The following SKOR2 variants were observed in gnomAD, a reference collection of about 807,000 sequenced individuals.
SKOR2 encodes the protein LBX1 corepressor 1-like protein.
Under a neutral mutation model 69.1 loss-of-function variants are expected in SKOR2, and 47 were observed. That is an observed-to-expected ratio of 0.68 (90% confidence interval 0.54 to 0.87). SKOR2 has a LOEUF of 0.87. Among genes scored for constraint, SKOR2 ranks in the 40% least tolerant of loss-of-function variants. The pLI is 0.00. For missense variants in SKOR2, 1,404 were observed against 1,472.2 expected, an observed-to-expected ratio of 0.95 and a Z score of 0.76; for synonymous variants, 717 against 672.6, an observed-to-expected ratio of 1.07 and a Z score of -1.02.
chr18:47,221,925 C>A (rs1281396531), intron 6 of SKOR2, among the ~76,000 whole-genome samples: 1 of 152,218 alleles, frequency 6.6e-6, no homozygotes, highest in Non-Finnish European at 1.5e-5. Flanking sequence ...ATTCTGCCAT[C>A]TATAGTAACT....
In SKOR2 at chr18:47,246,690, C is replaced by T; in HGVS notation, c.2494G>A (p.Asp832Asn). 6.8e-7 allele frequency: 1 copy of T among 1,475,560 alleles called. No homozygotes were observed. The highest frequency in any genetic ancestry group is 8.9e-7 in the Non-Finnish European group (1 of 1,125,440). 91.4% of individuals were successfully genotyped at this position (1,475,560 alleles called of 1,614,324 possible). ...GGCGGCGGCGGGGGCGGGGGCAGGT[C>T]CGAGCCGGGGTCCCCGAGTTTCCCG... ...EDGKLGDPGSDLPPPPPPPLA... is the reference protein window; with the variant it reads ...EDGKLGDPGSNLPPPPPPPLA... Residue 832 changes from aspartate to asparagine, a missense_variant, in exon 2 of 9, where the codon GAC becomes AAC. This residue lies in a region of SKOR2 where 1,266 missense variants were observed against 1,309.9 expected (regional missense o/e 0.97). Transcript: ENST00000425639.
In SKOR2 at chr18:47,247,536, C is replaced by T. The variant is rs1320381356; in HGVS notation, c.1648G>A (p.Gly550Ser). Residue 550 changes from glycine to serine, a missense_variant, in exon 2 of 9, where the codon GGC becomes AGC. Physicochemically the swap from Gly to Ser is moderately conservative, Grantham distance 56 (BLOSUM62 0). Coordinates refer to ENST00000425639, the MANE Select transcript of SKOR2 (RefSeq NM_001278063.4). This position sits in a 1 kb window ranked among gnomAD's most constrained non-coding sequence, Gnocchi z 6.6. ...AAGAGCGCGTCGCGAGAGCCGGCGCCCCCGGCAGGAGGAGGTGGGCCGGAG... is the reference window on the plus strand; with the variant it reads ...AAGAGCGCGTCGCGAGAGCCGGCGCTCCCGGCAGGAGGAGGTGGGCCGGAG... ...PGSGPPPPAG[G>S]AGSRDALFES... The T allele has an allele frequency of 3.0e-4, 371 of 1,217,480 alleles. No homozygotes were observed. Among genetic ancestry groups the T allele is most frequent in the Non-Finnish European group, 3.7e-4 (366 of 979,756 alleles). 75.4% of individuals were successfully genotyped at this position (1,217,480 alleles called of 1,614,324 possible). A position where few individuals can be genotyped will look rare whatever the true frequency, so the allele number is the denominator to read the frequency against.
intron 4 of SKOR2, among the ~76,000 whole-genome samples, chr18:47,240,910 C>T (rs937049121): frequency 4.6e-5 from 7 of 152,094 alleles, no homozygotes; most frequent in Non-Finnish European, 1.0e-4. Context: ...AAAGACATTT[C>T]GTTCTTTTTT....
intron 4 of SKOR2, among the ~76,000 whole-genome samples, chr18:47,244,347 A>G (rs2064261792): frequency 1.3e-5 from 2 of 152,240 alleles, no homozygotes; most frequent in South Asian, 2.1e-4. Context: ...CCTTTTTCCC[A>G]AGAAACAAAA....
At position 47,249,755 on chromosome 18, in the gene SKOR2, A is replaced by G. The variant is rs563811004; in HGVS notation, c.-47-525T>C. ...GTCTATGGTTTCCTTGGGGAAATTC[A>G]TTATTGGTTGAAACACAGGTCATTA... On this transcript the variant is annotated intron_variant, in intron 1 of 8. Coordinates refer to ENST00000425639, the MANE Select transcript of SKOR2 (RefSeq NM_001278063.4). 2.6e-5 allele frequency among the ~76,000 whole-genome samples: 4 copies of G among 152,342 alleles called. No homozygotes were observed. In the South Asian group the frequency reaches 8.3e-4, roughly 32 times the overall value.
In SKOR2 at chr18:47,246,804, ACGGCCCT is replaced by A; in HGVS notation, c.2373_2379del (p.Gly792ArgfsTer21). 7.1e-7 allele frequency: 1 copy of A among 1,414,566 alleles called. No individual in the cohort carries two copies. The highest frequency in any genetic ancestry group is 9.1e-7 in the Non-Finnish European group (1 of 1,093,600). 87.6% of individuals were successfully genotyped at this position (1,414,566 alleles called of 1,614,324 possible). A position where few individuals can be genotyped will look rare whatever the true frequency, so the allele number is the denominator to read the frequency against. ...CGGTCCCGGCTGCTCCCCTTCTCCG[ACGGCCCT>A]CGGCCCTGGAGGAACCGGCCGCCCC... On this transcript the variant is annotated frameshift_variant, in exon 2 of 9. Transcript: ENST00000425639. LOFTEE classifies it high-confidence loss of function.
intron 4 of SKOR2, among the ~76,000 whole-genome samples, chr18:47,233,855 A>G (rs1185503501): frequency 6.6e-6 from 1 of 152,236 alleles, no homozygotes; most frequent in African/African-American, 2.4e-5. Flanking sequence ...TGAAACCACT[A>G]AACAAGCAGC....
At chr18:47,221,056 C>T (rs1462670843) in intron 6 of SKOR2, among the ~76,000 whole-genome samples, 1 of 152,110 alleles carries the variant, frequency 6.6e-6, no homozygotes, top group Non-Finnish European at 1.5e-5. Flanking sequence ...CCTTTAATTC[C>T]CTGCTTAAAA....
chr18:47,249,379 A>G (rs1235824814), intron 1 of SKOR2, 149 bp from the exon 2 acceptor site: 14 of 760,610 alleles, frequency 1.8e-5, no homozygotes, highest in Non-Finnish European at 2.9e-5. Context: ...TTTTGAACAC[A>G]AGAAAGTCAT....
At chr18:47,242,014 A>G (rs753129066) in intron 4 of SKOR2, among the ~76,000 whole-genome samples, 6 of 152,140 alleles carry the variant, frequency 3.9e-5, no homozygotes, top group Non-Finnish European at 8.8e-5. Flanking sequence ...TTATATGAAC[A>G]CCGATCCTGA....
chr18:47,233,256 A>T (rs1044680962), intron 4 of SKOR2, among the ~76,000 whole-genome samples: 2 of 152,194 alleles, frequency 1.3e-5, no homozygotes, highest in African/African-American at 4.8e-5. Context: ...CTATAGGCTC[A>T]GATGTACTCT....
intron 6 of SKOR2, among the ~76,000 whole-genome samples, chr18:47,230,050 A>T (rs8086549): frequency 1.3e-5 from 2 of 152,002 alleles, no homozygotes; most frequent in African/African-American, 4.8e-5. Flanking sequence ...GGAAGCTATC[A>T]GGAACAATCT....
Position 47,241,231 on chromosome 18 carries a change from A to G in SKOR2, c.2752+3677T>C, listed in dbSNP as rs114833031. On this transcript the variant is annotated intron_variant, in intron 4 of 8. Coordinates refer to ENST00000425639, the MANE Select transcript of SKOR2 (RefSeq NM_001278063.4). ...AGTAAATAAGTAAATAAACAAATGA[A>G]TGCTATCATGTAGATAACGGTTGTT... Among the ~76,000 whole-genome samples, 1,108 of 152,302 alleles carry G rather than the reference A, an allele frequency of 7.3e-3. 11 individuals carry two copies. Among genetic ancestry groups the G allele is most frequent in the African/African-American group, 0.026 (1,062 of 41,558 alleles).
At position 47,248,197 on chromosome 18, in the gene SKOR2, G is replaced by C. The variant is rs2064291877; in HGVS notation, c.987C>G (p.Leu329=). ...QEAAVVAAAS[L]SAAAASLSVA... ...CAGAGAGGCTGGCGGCTGCGGCCGA[G>C]AGGCTGGCGGCGGCCACTACGGCGG... is the stretch of plus-strand genomic sequence containing the variant. Residue 329 remains leucine (L), a synonymous_variant, in exon 2 of 9, where the codon CTC becomes CTG. Transcript: ENST00000425639. The surrounding 1 kb of genome is among the most constrained non-coding windows in gnomAD (Gnocchi z 6.4). The C allele has an allele frequency of 8.1e-7, 1 of 1,230,956 alleles. No individual in the cohort carries two copies. The highest frequency in any genetic ancestry group is 4.3e-5 in the Admixed American group (1 of 23,044). The allele number at this position is 1,230,956 out of a possible 1,614,324, so 76.3% of individuals were successfully genotyped here.
intron 4 of SKOR2, among the ~76,000 whole-genome samples, chr18:47,232,459 A>G (rs1202910559): frequency 1.3e-5 from 2 of 152,196 alleles, no homozygotes; most frequent in African/African-American, 4.8e-5. Context: ...CCTATCCTCA[A>G]TGCTCACATA....
chr18:47,219,926 G>A lies in SKOR2; in HGVS notation c.2985+17C>T. ...CCAATTAAGTTGCATTTATTTTTAA[G>A]TAGAAATGCAGCTTACAATTTGTAA... On this transcript the variant is annotated intron_variant, in intron 7 of 8. Transcript: ENST00000425639. 1 of 1,531,824 alleles carries A rather than the reference G, an allele frequency of 6.5e-7. No individual in the cohort carries two copies. The highest frequency in any genetic ancestry group is 2.0e-5 in the Admixed American group (1 of 50,936). The allele number at this position is 1,531,824 out of a possible 1,614,324, so 94.9% of individuals were successfully genotyped here. A position where few individuals can be genotyped will look rare whatever the true frequency, so the allele number is the denominator to read the frequency against.
Position 47,233,984 on chromosome 18 carries a change from A to G in SKOR2, c.2753-2984T>C, listed in dbSNP as rs1374439767. Among the ~76,000 whole-genome samples the G allele has an allele frequency of 2.0e-5, 3 of 152,188 alleles. No homozygotes were observed. In the East Asian group the frequency reaches 5.8e-4, roughly 29 times the overall value. ...CAATTTGCATTGGCATCTATTTCAA[A>G]CAGATATTTTGCTGCATCTTCTGGG... is the stretch of plus-strand genomic sequence containing the variant. On this transcript the variant is annotated intron_variant, in intron 4 of 8. Coordinates refer to ENST00000425639, the MANE Select transcript of SKOR2 (RefSeq NM_001278063.4).
rs542738210 is a variant in SKOR2, at chr18:47,248,746, G to A, written c.438C>T (p.Asp146=). 4 of 1,552,050 alleles carry A rather than the reference G, an allele frequency of 2.6e-6. No homozygotes were observed. Among genetic ancestry groups the A allele is most frequent in the Non-Finnish European group, 2.6e-6 (3 of 1,155,306 alleles). The change falls in exon 2 of 9, where the codon GAC becomes GAT. Residue 146 remains aspartate (D), a synonymous_variant. Transcript: ENST00000425639. The surrounding 1 kb of genome is among the most constrained non-coding windows in gnomAD (Gnocchi z 6.4). ...PPKLPDNFAF[D]VSHECAWGCR... ...AGCCCCAGGCGCACTCGTGTGACAC[G>A]TCGAAGGCGAAATTGTCTGGCAGCT... is the stretch of plus-strand genomic sequence containing the variant.
In SKOR2 at chr18:47,246,674, G is replaced by T; in HGVS notation, c.2510C>A (p.Pro837Gln). 6.7e-7 allele frequency: 1 copy of T among 1,500,024 alleles called. No individual in the cohort carries two copies. Among genetic ancestry groups the T allele is most frequent in the South Asian group, 1.2e-5 (1 of 80,436 alleles). 92.9% of individuals were successfully genotyped at this position (1,500,024 alleles called of 1,614,324 possible). ...CTTCTGGGGGGCCAGGGGCGGCGGCGGGGGCGGGGGCAGGTCCGAGCCGGG... is the reference window on the plus strand; with the variant it reads ...CTTCTGGGGGGCCAGGGGCGGCGGCTGGGGCGGGGGCAGGTCCGAGCCGGG... ...GDPGSDLPPPPPPPLAPQKAS... is the reference protein window; with the variant it reads ...GDPGSDLPPPQPPPLAPQKAS... Residue 837 changes from proline to glutamine, a missense_variant, in exon 2 of 9, where the codon CCG becomes CAG. Around this residue, in one of 3 missense-constraint regions of SKOR2, gnomAD observed 1,266 missense variants for 1,309.9 expected, o/e 0.97. Transcript: ENST00000425639.
Sources: gnomAD v4.1 joint callset for allele counts (sites outside exome capture counted in the v4.1 genomes callset) on GRCh38, gnomAD v4.1.1 for gene constraint, gnomAD v4.1.1 regional missense constraint, Gnocchi (gnomAD v3.1) non-coding constraint, MANE v1.5 for transcripts, NCBI Gene and HGNC (gene_info 2026-07-23, HGNC 2026-07-21) for gene names.